MERTK: variants seen among roughly 807,000 people sequenced by gnomAD.
MERTK encodes the protein tyrosine-protein kinase Mer.
Under a neutral mutation model 99.3 loss-of-function variants are expected in MERTK, and 69 were observed. The observed-to-expected ratio is 0.70, with a 90% CI of 0.57 to 0.85. MERTK has a LOEUF of 0.85. Ranked by LOEUF, MERTK falls within the 40% of genes least tolerant of loss-of-function variation. MERTK has a pLI of 0.00. For missense variants in MERTK, 1,125 were observed against 1,249.4 expected, an observed-to-expected ratio of 0.90 and a Z score of 1.50; for synonymous variants, 426 against 467.6, an observed-to-expected ratio of 0.91 and a Z score of 1.15.
rs1463598568 is a variant in MERTK, at chr2:111,929,395, T to A, written c.337T>A (p.Phe113Ile). 6.2e-7 allele frequency: 1 copy of A among 1,614,116 alleles called. No individual in the cohort carries two copies. The highest frequency in any genetic ancestry group is 8.5e-7 in the Non-Finnish European group (1 of 1,180,008). The change falls in exon 2 of 19, where the codon TTT (phenylalanine) becomes ATT (isoleucine). Residue 113 changes from phenylalanine to isoleucine, a missense_variant. Phe to Ile is a conservative substitution (Grantham distance 21). Transcript: ENST00000295408. ...ACTTTCTGAACATAAAGGTGTCAAA[T>A]TTAATTGCTCAATCAGTGTACCTAA... The part of the protein sequence containing the change: ...IILSEHKGVK[F>I]NCSISVPNIY...
At chr2:111,936,427 A>G (rs1684765668) in intron 2 of MERTK, among the ~76,000 whole-genome samples, 1 of 152,228 alleles carries the variant, frequency 6.6e-6, no homozygotes, top group Admixed American at 6.5e-5. Context: ...TAATTTTTGT[A>G]AATGAAAAAT....
chr2:112,012,874 C>A (rs1393565852), intron 15 of MERTK, among the ~76,000 whole-genome samples: 4 of 152,046 alleles, frequency 2.6e-5, no homozygotes, highest in Admixed American at 6.6e-5. Context: ...TAGAAACAGC[C>A]CTTTATTTAA....
intron 1 of MERTK, among the ~76,000 whole-genome samples, chr2:111,906,128 G>A (rs1321047296): frequency 6.6e-6 from 1 of 152,114 alleles, no homozygotes; most frequent in Admixed American, 6.5e-5. Context: ...ATCATCACAG[G>A]GTTAGTGCTC....
chr2:111,974,466 A>C (rs528391906), intron 6 of MERTK, among the ~76,000 whole-genome samples: 313 of 151,958 alleles, frequency 2.1e-3, no homozygotes, highest in Middle Eastern at 0.014. Flanking sequence ...TAGGTTACAT[A>C]ATAAAAAGAA....
chr2:111,964,398 TGCGC>T (rs1553452048), intron 4 of MERTK, among the ~76,000 whole-genome samples: 8 of 81,070 alleles, frequency 9.9e-5, no homozygotes, highest in African/African-American at 3.7e-4. Context: ...TGTGTGTGTG[TGCGC>T]GCGCGCACGC....
At chr2:111,989,147 A>G (rs1209008892) in intron 8 of MERTK, among the ~76,000 whole-genome samples, 2 of 152,068 alleles carry the variant, frequency 1.3e-5, no homozygotes, top group Non-Finnish European at 2.9e-5. Context: ...GTCTCATTCA[A>G]ATTCCACAGT....
intron 1 of MERTK, among the ~76,000 whole-genome samples, chr2:111,910,273 G>GTTT (rs55791941): frequency 2.1e-4 from 30 of 144,882 alleles, no homozygotes; most frequent in African/African-American, 5.3e-4. Context: ...TCTGTTTTTT[G>GTTT]TTTTTTTTTT....
chr2:111,907,009 CAG>C (rs1425410624), intron 1 of MERTK, among the ~76,000 whole-genome samples: 1 of 151,886 alleles, frequency 6.6e-6, no homozygotes, highest in Admixed American at 6.6e-5. Flanking sequence ...GTTTGGGACA[CAG>C]AGCCTCAGCC....
chr2:112,024,000 CTG>C (rs1333427071), intron 18 of MERTK, among the ~76,000 whole-genome samples: 1 of 152,160 alleles, frequency 6.6e-6, no homozygotes, highest in Non-Finnish European at 1.5e-5. Context: ...AAGAAGGACA[CTG>C]TTTTAATCAG....
intron 1 of MERTK, among the ~76,000 whole-genome samples, chr2:111,909,185 TCA>T (rs1224023099): frequency 6.6e-6 from 1 of 151,296 alleles, no homozygotes. Context: ...ATTTAAACTA[TCA>T]CAGCCACTAT....
chr2:111,927,228 C>G (rs1024951753), intron 1 of MERTK, among the ~76,000 whole-genome samples: 2 of 152,178 alleles, frequency 1.3e-5, no homozygotes, highest in African/African-American at 4.8e-5. Flanking sequence ...AGAGTTGGCC[C>G]CCAACATCAA....
chr2:111,999,135 A>T (rs1479725303), intron 10 of MERTK, among the ~76,000 whole-genome samples: 1 of 152,068 alleles, frequency 6.6e-6, no homozygotes, highest in Admixed American at 6.5e-5. Context: ...GTACATCAGT[A>T]TTTTTTTCAA....
At chr2:111,927,426 T>C (rs1286254975) in intron 1 of MERTK, among the ~76,000 whole-genome samples, 1 of 152,176 alleles carries the variant, frequency 6.6e-6, no homozygotes, top group Non-Finnish European at 1.5e-5. Flanking sequence ...TATCTCCCAT[T>C]AGCCAATTAA....
intron 4 of MERTK, among the ~76,000 whole-genome samples, chr2:111,953,750 A>G (rs1573596624): frequency 6.6e-6 from 1 of 152,092 alleles, no homozygotes; most frequent in Non-Finnish European, 1.5e-5. Flanking sequence ...TCATTTTTGT[A>G]TTTTTGTAGA....
At chr2:111,904,810 T>C (rs1684107497) in intron 1 of MERTK, among the ~76,000 whole-genome samples, 1 of 152,136 alleles carries the variant, frequency 6.6e-6, no homozygotes, top group South Asian at 2.1e-4. Context: ...CCGCAGGTGG[T>C]CTTGTAGGAA....
intron 12 of MERTK, chr2:112,003,472 CT>C: frequency 2.9e-6 from 1 of 342,722 alleles, no homozygotes; most frequent in South Asian, 3.2e-5. Context: ...TTCCTATGTA[CT>C]TTAAGTTTAT....
intron 1 of MERTK, among the ~76,000 whole-genome samples, chr2:111,922,006 A>G (rs562440750): frequency 4.5e-4 from 68 of 152,294 alleles, no homozygotes; most frequent in Non-Finnish European, 3.7e-4. Flanking sequence ...CACTCCTGCC[A>G]TTACTGTAAC....
intron 8 of MERTK, among the ~76,000 whole-genome samples, chr2:111,992,826 A>G (rs1193680027): frequency 2.0e-5 from 3 of 152,040 alleles, no homozygotes; most frequent in African/African-American, 2.4e-5. Context: ...TCTGTGAGCC[A>G]CTCTAGCAAA....
At chr2:111,939,268 CTCT>C (rs1684818637) in intron 2 of MERTK, among the ~76,000 whole-genome samples, 2 of 151,988 alleles carry the variant, frequency 1.3e-5, no homozygotes, top group South Asian at 4.2e-4. Flanking sequence ...GTCTCTCTTC[CTCT>C]TCTTATAAAG....
Sources: gnomAD v4.1 joint callset for allele counts (sites outside exome capture counted in the v4.1 genomes callset) on GRCh38, gnomAD v4.1.1 for gene constraint, MANE v1.5 for transcripts, NCBI Gene and HGNC (gene_info 2026-07-23, HGNC 2026-07-21) for gene names.